ADGRG6: variants seen among roughly 807,000 people sequenced by gnomAD.
ADGRG6 encodes the protein adhesion G protein-coupled receptor G6, also known as G-protein coupled receptor 126.
Under a neutral mutation model 142.4 loss-of-function variants are expected in ADGRG6, and 84 were observed. The observed-to-expected ratio is 0.59, with a 90% CI of 0.49 to 0.71. ADGRG6 has a LOEUF of 0.71. Among genes scored for constraint, ADGRG6 ranks in the 30% least tolerant of loss-of-function variants. ADGRG6 has a pLI of 0.00. For synonymous variants in ADGRG6, 521 were observed against 520.5 expected, an observed-to-expected ratio of 1.00 and a Z score of -0.01; for missense variants, 1,367 against 1,466.6, an observed-to-expected ratio of 0.93 and a Z score of 1.11.
chr6:142,438,126 G>T, intron 23 of ADGRG6, 86 bp from the exon 24 acceptor site: 1 of 765,386 alleles, frequency 1.3e-6, no homozygotes, highest in Non-Finnish European at 2.0e-6. Context: ...AGATGCTCCA[G>T]ATAAATAATG....
intron 2 of ADGRG6, among the ~76,000 whole-genome samples, chr6:142,317,144 C>T (rs994267141): frequency 3.3e-5 from 5 of 152,212 alleles, no homozygotes; most frequent in African/African-American, 7.2e-5. Context: ...GCTTGGTAAG[C>T]ATCCTTGATG....
intron 4 of ADGRG6, 101 bp downstream of exon 4, chr6:142,370,894 G>A (rs1781214710): frequency 4.3e-6 from 5 of 1,151,620 alleles, no homozygotes; most frequent in South Asian, 1.4e-5. Flanking sequence ...GTACCTGTAT[G>A]TATATTCACA....
chr6:142,343,506 A>G (rs1254729527), intron 2 of ADGRG6, among the ~76,000 whole-genome samples: 1 of 151,872 alleles, frequency 6.6e-6, no homozygotes, highest in Non-Finnish European at 1.5e-5. Context: ...GTTCTAAGAA[A>G]CATAAAAAGA....
At chr6:142,323,517 A>T (rs1223932102) in intron 2 of ADGRG6, among the ~76,000 whole-genome samples, 2 of 152,144 alleles carry the variant, frequency 1.3e-5, no homozygotes, top group Non-Finnish European at 2.9e-5. Context: ...TAGGTCATTG[A>T]CAGTCCACAT....
chr6:142,417,149 T>A, intron 20 of ADGRG6, 124 bp from the exon 21 acceptor site: 1 of 718,148 alleles, frequency 1.4e-6, no homozygotes, highest in Non-Finnish European at 2.6e-6. Context: ...GAATCTGGGA[T>A]ATGGAATGTT....
intron 22 of ADGRG6, among the ~76,000 whole-genome samples, chr6:142,425,159 A>G (rs1176567513): frequency 6.6e-6 from 1 of 152,174 alleles, no homozygotes; most frequent in African/African-American, 2.4e-5. Flanking sequence ...TAAACACAAT[A>G]GGAAGTCTTT....
intron 4 of ADGRG6, among the ~76,000 whole-genome samples, chr6:142,373,140 A>G (rs1210060464): frequency 6.6e-6 from 1 of 152,166 alleles, no homozygotes; most frequent in East Asian, 1.9e-4. Context: ...AGTGTCTCTT[A>G]ATTAGTAAGT....
At chr6:142,424,860 A>T (rs989582274) in intron 22 of ADGRG6, among the ~76,000 whole-genome samples, 1 of 152,150 alleles carries the variant, frequency 6.6e-6, no homozygotes, top group Admixed American at 6.6e-5. Context: ...TTACCTTGTG[A>T]CGTTGAGAAT....
At chr6:142,403,585 A>G (rs61179412) in intron 13 of ADGRG6, among the ~76,000 whole-genome samples, 1,571 of 152,286 alleles carry the variant, frequency 0.01, 24 homozygotes, top group East Asian at 0.059. Flanking sequence ...TTTTCTTTAA[A>G]GCAGATATTT....
At chr6:142,390,520 T>A (rs1257388932) in intron 7 of ADGRG6, among the ~76,000 whole-genome samples, 177 bp downstream of exon 7, 1 of 151,814 alleles carries the variant, frequency 6.6e-6, no homozygotes, top group East Asian at 1.9e-4. Flanking sequence ...GAAGTACATT[T>A]GAATAAAGGA....
chr6:142,414,635 GTTTATT>G (rs1479027916), intron 18 of ADGRG6, among the ~76,000 whole-genome samples: 4 of 152,118 alleles, frequency 2.6e-5, no homozygotes, highest in Admixed American at 2.0e-4. Flanking sequence ...GGGCCTGATG[GTTTATT>G]ATGCAAGGCA....
chr6:142,394,196 G>A (rs1775052989), intron 9 of ADGRG6, among the ~76,000 whole-genome samples: 1 of 152,106 alleles, frequency 6.6e-6, no homozygotes, highest in Non-Finnish European at 1.5e-5. Flanking sequence ...AAAATGGATG[G>A]ATTATTATTT....
chr6:142,380,604 C>T (rs1381889428), intron 4 of ADGRG6, among the ~76,000 whole-genome samples: 1 of 152,170 alleles, frequency 6.6e-6, no homozygotes, highest in Non-Finnish European at 1.5e-5. Flanking sequence ...CTCCTTGGTA[C>T]TTGTTTTAGA....
chr6:142,334,810 G>A (rs1779233866), intron 2 of ADGRG6, among the ~76,000 whole-genome samples: 2 of 152,180 alleles, frequency 1.3e-5, no homozygotes, highest in African/African-American at 4.8e-5. Flanking sequence ...AATAAACAGA[G>A]GGCAGTACTT....
chr6:142,390,083 A>C (rs1774809184), intron 6 of ADGRG6, among the ~76,000 whole-genome samples, 175 bp from the exon 7 acceptor site: 5 of 151,864 alleles, frequency 3.3e-5, no homozygotes. Context: ...AAAATATTTC[A>C]GAACTTTTTT....
chr6:142,316,580 G>A (rs1049369749), intron 2 of ADGRG6, among the ~76,000 whole-genome samples: 3 of 152,024 alleles, frequency 2.0e-5, no homozygotes, highest in Non-Finnish European at 4.4e-5. Flanking sequence ...CCTTTCTTCT[G>A]TCCTTCATTT....
chr6:142,313,179 T>G (rs1047718512), intron 2 of ADGRG6, among the ~76,000 whole-genome samples: 1 of 152,022 alleles, frequency 6.6e-6, no homozygotes, highest in South Asian at 2.1e-4. Context: ...TTTCTTTTTT[T>G]AAAAAAAGCC....
intron 5 of ADGRG6, among the ~76,000 whole-genome samples, chr6:142,382,393 A>C (rs1293098769): frequency 1.3e-5 from 2 of 152,236 alleles, no homozygotes; most frequent in Admixed American, 6.5e-5. Context: ...TGTCTATAAA[A>C]TAAAGAGGGA....
Position 142,309,601 on chromosome 6 carries a change from C to A in ADGRG6, c.60C>A (p.Leu20=), listed in dbSNP as rs760494988. ...SCHWKWKPSP[L]LFLFALYIMC... is the part of the protein sequence containing the mutation. ...ATTGGAAATGGAAGCCCAGTCCTCTCCTGTTCTTATTTGCTTTATATATCA... is the reference window on the plus strand; with the variant it reads ...ATTGGAAATGGAAGCCCAGTCCTCTACTGTTCTTATTTGCTTTATATATCA... The change falls in exon 2 of 25, where the codon CTC becomes CTA. Residue 20 remains leucine (L), a synonymous_variant. Coordinates refer to ENST00000367609, the MANE Select transcript of ADGRG6 (RefSeq NM_198569.3). 5.0e-6 allele frequency: 8 copies of A among 1,608,602 alleles called. No homozygotes were observed. The highest frequency in any genetic ancestry group is 6.8e-6 in the Non-Finnish European group (8 of 1,176,936).
Sources: gnomAD v4.1 joint callset for allele counts (sites outside exome capture counted in the v4.1 genomes callset) on GRCh38, gnomAD v4.1.1 for gene constraint, MANE v1.5 for transcripts, NCBI Gene and HGNC (gene_info 2026-07-23, HGNC 2026-07-21) for gene names.